The following PCDHGA1 variants were observed in gnomAD, a reference collection of about 807,000 sequenced individuals.
The protein encoded by PCDHGA1 is protocadherin gamma-A1.
PCDHGA1 carries 32 observed loss-of-function variants against 58.0 expected under a neutral mutation model. The observed-to-expected ratio is 0.55, with a 90% confidence interval of 0.42 to 0.74. The LOEUF is 0.74. PCDHGA1 is among the 30% of genes least tolerant of loss of function. PCDHGA1 has a pLI of 0.00. For missense variants in PCDHGA1, 1,205 were observed against 1,182.3 expected, an observed-to-expected ratio of 1.02 and a Z score of -0.28; for synonymous variants, 498 against 501.1, an observed-to-expected ratio of 0.99 and a Z score of 0.08.
At chr5:141,471,901 G>C (rs1224804131) in intron 1 of PCDHGA1, among the ~76,000 whole-genome samples, 1 of 152,146 alleles carries the variant, frequency 6.6e-6, no homozygotes, top group Non-Finnish European at 1.5e-5. Context: ...ATTGACTACA[G>C]ACAAGCATGA....
intron 1 of PCDHGA1, chr5:141,355,219 C>T: frequency 6.2e-7 from 1 of 1,605,766 alleles, no homozygotes; most frequent in Non-Finnish European, 8.5e-7. Flanking sequence ...GCCTCCTGCT[C>T]GCCCAGACCA....
intron 1 of PCDHGA1, chr5:141,417,686 G>A (rs1300052006): frequency 8.4e-6 from 9 of 1,068,196 alleles, no homozygotes; most frequent in South Asian, 1.8e-5. Context: ...CAACAGAAAA[G>A]AAAACCAGCT....
At chr5:141,389,860 A>G (rs1274502656) in intron 1 of PCDHGA1, 2 of 1,614,052 alleles carry the variant, frequency 1.2e-6, no homozygotes, top group African/African-American at 2.7e-5. Flanking sequence ...GCCACGTTGC[A>G]CCTGGTCTTC....
At chr5:141,507,017 C>CACTT (rs763489200) in intron 3 of PCDHGA1, 1 of 152,206 alleles carries the variant, frequency 6.6e-6, no homozygotes, top group Non-Finnish European at 1.5e-5. Flanking sequence ...ACCGAGAAGG[C>CACTT]ACTTGCCCCA....
intron 1 of PCDHGA1, among the ~76,000 whole-genome samples, chr5:141,402,517 G>A (rs2094277430): frequency 6.6e-6 from 1 of 152,024 alleles, no homozygotes; most frequent in African/African-American, 2.4e-5. Context: ...ATTAAGCAAT[G>A]GTTTGTGATT....
Position 141,365,477 on chromosome 5 carries a change from G to C in PCDHGA1, c.2421+32372G>C, listed in dbSNP as rs1313956190. ...TGATTCTGGAGAAAATGGTGAGATT[G>C]CATGCTCTATTCCTAGGAATTTGCC... On this transcript the variant is annotated intron_variant, in intron 1 of 3. Transcript: ENST00000517417. 3.7e-6 allele frequency: 6 copies of C among 1,613,876 alleles called. No individual in the cohort carries two copies. The African/African-American group carries it at 8.0e-5, about 22-fold the overall frequency.
At position 141,334,796 on chromosome 5, in the gene PCDHGA1, C is replaced by T. The variant is rs1321765193; in HGVS notation, c.2421+1691C>T. Reference sequence around the variant, plus strand: ...CATCATTAAAGCGTCATTAAGAGACCTAGTTATGGCCTGGGACCTGAGGTC... The same window carrying T: ...CATCATTAAAGCGTCATTAAGAGACTTAGTTATGGCCTGGGACCTGAGGTC... On this transcript the variant is annotated intron_variant, in intron 1 of 3. Coordinates refer to ENST00000517417, the MANE Select transcript of PCDHGA1 (RefSeq NM_018912.3). This position sits in a 1 kb window ranked among gnomAD's most constrained non-coding sequence, Gnocchi z 4.6. Among the ~76,000 whole-genome samples the T allele has an allele frequency of 6.6e-6, 1 of 152,034 alleles. No homozygotes were observed. The highest frequency in any genetic ancestry group is 1.5e-5 in the Non-Finnish European group (1 of 67,990).
intron 1 of PCDHGA1, chr5:141,395,096 C>G (rs769366827): frequency 5.6e-6 from 9 of 1,614,186 alleles, no homozygotes; most frequent in Middle Eastern, 1.6e-4. Flanking sequence ...CCCTCACCGC[C>G]GACTCGCGGA....
intron 1 of PCDHGA1, chr5:141,364,987 C>G (rs1267926945): frequency 6.2e-7 from 1 of 1,613,904 alleles, no homozygotes; most frequent in African/African-American, 1.3e-5. Context: ...ATGGCGGAGA[C>G]CCGGTACTCT....
chr5:141,427,974 G>T, intron 1 of PCDHGA1: 1 of 1,594,576 alleles, frequency 6.3e-7, no homozygotes, highest in South Asian at 1.1e-5. Flanking sequence ...GCTGTACCCC[G>T]CGCTGGGGCC....
chr5:141,385,615 T>C, intron 1 of PCDHGA1: 2 of 1,097,512 alleles, frequency 1.8e-6, no homozygotes, highest in East Asian at 4.2e-5. Flanking sequence ...ATATATTTTA[T>C]ACATTGGAAT....
intron 1 of PCDHGA1, among the ~76,000 whole-genome samples, chr5:141,479,798 G>C (rs892288776): frequency 6.6e-6 from 1 of 152,234 alleles, no homozygotes; most frequent in East Asian, 1.9e-4. Context: ...ATTAATTCAG[G>C]GTGGTATGCA....
intron 1 of PCDHGA1, among the ~76,000 whole-genome samples, chr5:141,338,609 T>C (rs1365630126): frequency 6.6e-6 from 1 of 152,228 alleles, no homozygotes; most frequent in Admixed American, 6.5e-5. Flanking sequence ...TAGGGTATCT[T>C]AGAGCTGTAA....
chr5:141,384,126 C>A lies in PCDHGA1; in HGVS notation c.2421+51021C>A, dbSNP rs749225079. On this transcript the variant is annotated intron_variant, in intron 1 of 3. Transcript: ENST00000517417. ...ATTATAGATTGGTCACAACCAAAAA[C>A]TTGGACCGGGAAACACTCTCTTTGT... 4 of 1,610,820 alleles carry A rather than the reference C, an allele frequency of 2.5e-6. No individual in the cohort carries two copies. The Admixed American group carries it at 6.7e-5, about 27-fold the overall frequency.
chr5:141,503,045 G>A (rs543484478), intron 2 of PCDHGA1, among the ~76,000 whole-genome samples: 1 of 151,702 alleles, frequency 6.6e-6, no homozygotes, highest in South Asian at 2.1e-4. Context: ...AGTTGAGACA[G>A]GGTTTCACCA....
intron 1 of PCDHGA1, chr5:141,418,640 A>G (rs1042874136): frequency 1.2e-6 from 2 of 1,614,042 alleles, no homozygotes; most frequent in Non-Finnish European, 1.7e-6. Flanking sequence ...AGGCACCTCC[A>G]TCCTGAGAGT....
chr5:141,485,899 C>A lies in PCDHGA1; in HGVS notation c.2422-8908C>A, dbSNP rs775312856. 12 of 1,614,166 alleles carry A rather than the reference C, an allele frequency of 7.4e-6. No individual in the cohort carries two copies. The highest frequency in any genetic ancestry group is 8.5e-6 in the Non-Finnish European group (10 of 1,180,032). On this transcript the variant is annotated intron_variant, in intron 1 of 3. Coordinates refer to ENST00000517417, the MANE Select transcript of PCDHGA1 (RefSeq NM_018912.3). The surrounding 1 kb of genome is among the most constrained non-coding windows in gnomAD (Gnocchi z 5.7). ...ACGTAAACGACAACGCCCCAGCCTT[C>A]CAGCAATCCAGCTACAGGATTAGTG...
At chr5:141,345,592 TC>T (rs1757604773) in intron 1 of PCDHGA1, 1 of 1,614,038 alleles carries the variant, frequency 6.2e-7, no homozygotes. Flanking sequence ...CTGAGATCCT[TC>T]GACTACGAGC....
chr5:141,431,163 A>G lies in PCDHGA1; in HGVS notation c.2422-63644A>G. On this transcript the variant is annotated intron_variant, in intron 1 of 3. Transcript: ENST00000517417. This position sits in a 1 kb window ranked among gnomAD's most constrained non-coding sequence, Gnocchi z 4.8. ...AACGACAATGCGCCTTACTTTCGTG[A>G]AAGTGAATTAGAAATAAAAATTAGT... 1 of 1,614,246 alleles carries G rather than the reference A, an allele frequency of 6.2e-7. No individual in the cohort carries two copies. Among genetic ancestry groups the G allele is most frequent in the Non-Finnish European group, 8.5e-7 (1 of 1,180,036 alleles).
Sources: allele counts gnomAD v4.1 joint callset (sites outside exome capture counted in the v4.1 genomes callset), GRCh38; gene constraint gnomAD v4.1.1; non-coding constraint Gnocchi (gnomAD v3.1); transcripts MANE v1.5; gene names NCBI Gene and HGNC (gene_info 2026-07-23, HGNC 2026-07-21).